Variants in ADAMTSL1 observed in about 807,000 individuals in gnomAD.
ADAMTSL1 encodes the protein ADAMTS-like protein 1.
Under a neutral mutation model 201.8 loss-of-function variants are expected in ADAMTSL1, and 126 were observed. That is an observed-to-expected ratio of 0.62 (90% CI 0.54 to 0.72). The LOEUF (loss-of-function observed/expected upper bound fraction) is 0.72, where lower values mean the gene tolerates loss of function less well. Ranked by LOEUF, ADAMTSL1 falls within the 30% of genes least tolerant of loss-of-function variation. The pLI is 0.00. For synonymous variants in ADAMTSL1, 1,121 were observed against 903.4 expected (o/e 1.24, Z -4.32); for missense variants, 2,679 against 2,277.8 (o/e 1.18, Z -3.59).
intron 2 of ADAMTSL1, among the ~76,000 whole-genome samples, chr9:18,282,982 T>C (rs929332726): frequency 6.6e-6 from 1 of 152,372 alleles, no homozygotes; most frequent in Admixed American, 6.5e-5. Flanking sequence ...TTATATAGTT[T>C]TTAAATCTTC....
intron 1 of ADAMTSL1, among the ~76,000 whole-genome samples, chr9:18,069,652 G>A (rs1274967774): frequency 1.3e-5 from 2 of 152,180 alleles, no homozygotes; most frequent in East Asian, 1.9e-4. Flanking sequence ...AGCTGCTGAA[G>A]TGTTTATTTA....
intron 20 of ADAMTSL1, 116 bp downstream of exon 20, chr9:18,795,640 G>C (rs1001495921): frequency 4.9e-5 from 57 of 1,157,970 alleles, no homozygotes; most frequent in African/African-American, 6.3e-5. Flanking sequence ...CCCATCTTCA[G>C]GGAGTTTGTA....
chr9:18,786,740 C>G (rs1282455469), intron 19 of ADAMTSL1, among the ~76,000 whole-genome samples: 1 of 152,202 alleles, frequency 6.6e-6, no homozygotes, highest in Non-Finnish European at 1.5e-5. Context: ...TCTAGGAAAA[C>G]AGCGTGATGG....
intron 2 of ADAMTSL1, among the ~76,000 whole-genome samples, chr9:18,227,479 T>C (rs187975248): frequency 1.6e-4 from 25 of 152,342 alleles, no homozygotes; most frequent in Admixed American, 9.2e-4. Context: ...GTACATTTTA[T>C]TCATTTACAC....
At chr9:18,224,321 G>A (rs1830367579) in intron 2 of ADAMTSL1, among the ~76,000 whole-genome samples, 1 of 152,062 alleles carries the variant, frequency 6.6e-6, no homozygotes, top group South Asian at 2.1e-4. Context: ...CCAGAGGAGG[G>A]GAGTGCTGTG....
intron 2 of ADAMTSL1, among the ~76,000 whole-genome samples, chr9:18,265,752 A>G (rs1050782258): frequency 6.6e-6 from 1 of 152,316 alleles, no homozygotes; most frequent in African/African-American, 2.4e-5. Context: ...ATCATTACAC[A>G]TGGTATACAG....
At position 18,596,372 on chromosome 9, in the gene ADAMTSL1, C is replaced by T. The variant is rs139954922; in HGVS notation, c.474+22106C>T. ...GAAGTCCAGCTTCTGATCTTACTAT[C>T]TGTGTGATCATGGACTAATTTACTA... is the stretch of plus-strand genomic sequence containing the variant. On this transcript the variant is annotated intron_variant, in intron 4 of 28. Coordinates refer to ENST00000380548, the MANE Select transcript of ADAMTSL1 (RefSeq NM_001040272.6). Among the ~76,000 whole-genome samples, 486 of 152,262 alleles carry T rather than the reference C, an allele frequency of 3.2e-3. 2 individuals carry two copies. The highest frequency in any genetic ancestry group is 6.8e-3 in the Middle Eastern group (2 of 294).
intron 1 of ADAMTSL1, among the ~76,000 whole-genome samples, chr9:18,029,345 T>C (rs989995506): frequency 5.9e-5 from 9 of 152,178 alleles, no homozygotes; most frequent in African/African-American, 2.2e-4. Context: ...GCTAGCCATA[T>C]GGAGAAAGCT....
intron 19 of ADAMTSL1, among the ~76,000 whole-genome samples, chr9:18,791,932 A>G (rs545716028): frequency 1.3e-5 from 2 of 152,274 alleles, no homozygotes; most frequent in African/African-American, 4.8e-5. Context: ...GGCTTCAGAC[A>G]TGGGCAGAAA....
At chr9:18,496,167 A>G (rs916098964) in intron 1 of ADAMTSL1, among the ~76,000 whole-genome samples, 2 of 152,356 alleles carry the variant, frequency 1.3e-5, no homozygotes, top group African/African-American at 4.8e-5. Context: ...AATTTATTCT[A>G]TACTGACTCT....
At chr9:18,669,502 G>A (rs546928609) in intron 9 of ADAMTSL1, among the ~76,000 whole-genome samples, 283 of 152,164 alleles carry the variant, frequency 1.9e-3, no homozygotes, top group Admixed American at 4.1e-3. Context: ...ATCTGATTTC[G>A]GTGGAAGCCC....
intron 27 of ADAMTSL1, among the ~76,000 whole-genome samples, chr9:18,906,428 A>G (rs1210823921): frequency 6.6e-6 from 1 of 152,152 alleles, no homozygotes; most frequent in Non-Finnish European, 1.5e-5. Context: ...CGGTGTCCAC[A>G]TGGGGAGAGC....
At chr9:18,000,670 C>T (rs767822818) in intron 1 of ADAMTSL1, among the ~76,000 whole-genome samples, 1 of 152,024 alleles carries the variant, frequency 6.6e-6, no homozygotes, top group African/African-American at 2.4e-5. Flanking sequence ...TCATGTAGCA[C>T]TGGTTGTTGG....
At chr9:18,887,794 G>C in intron 23 of ADAMTSL1, 37 bp from the exon 24 acceptor site, 1 of 1,570,892 alleles carries the variant, frequency 6.4e-7, no homozygotes, top group Non-Finnish European at 8.7e-7. Flanking sequence ...GTTCCTTATG[G>C]CTTTACTAAG....
intron 1 of ADAMTSL1, among the ~76,000 whole-genome samples, chr9:17,915,376 T>TA (rs1196011537): frequency 1.3e-5 from 2 of 152,168 alleles, no homozygotes; most frequent in Admixed American, 6.5e-5. Flanking sequence ...ATTCCTGTTA[T>TA]AGCATGTATC....
chr9:17,947,790 A>G (rs1221349653), intron 1 of ADAMTSL1, among the ~76,000 whole-genome samples: 3 of 152,196 alleles, frequency 2.0e-5, no homozygotes, highest in Admixed American at 1.3e-4. Context: ...TCTTATGTGC[A>G]CAAGAAATCT....
intron 2 of ADAMTSL1, among the ~76,000 whole-genome samples, chr9:18,382,775 C>T (rs1837613110): frequency 6.7e-6 from 1 of 150,246 alleles, no homozygotes; most frequent in Non-Finnish European, 1.5e-5. Context: ...CCCAACTGAA[C>T]ACCTACTGAA....
chr9:17,909,295 T>G (rs930237618), intron 1 of ADAMTSL1, among the ~76,000 whole-genome samples: 1 of 147,324 alleles, frequency 6.8e-6, no homozygotes, highest in Non-Finnish European at 1.5e-5. Flanking sequence ...GATGGTAGTT[T>G]CTTTTGCTGT....
intron 13 of ADAMTSL1, among the ~76,000 whole-genome samples, chr9:18,691,562 A>G (rs1344998033): frequency 6.6e-6 from 1 of 152,238 alleles, no homozygotes; most frequent in Non-Finnish European, 1.5e-5. Flanking sequence ...TAAGCTGCCA[A>G]CTGGGTGAGT....
Sources: allele counts gnomAD v4.1 joint callset (sites outside exome capture counted in the v4.1 genomes callset), GRCh38; gene constraint gnomAD v4.1.1; transcripts MANE v1.5; gene names NCBI Gene and HGNC (gene_info 2026-07-23, HGNC 2026-07-21).